CDH8: variants seen among roughly 807,000 people sequenced by gnomAD.
CDH8 encodes the protein cadherin 8, also known as cadherin-8.
CDH8 carries 17 observed loss-of-function variants against 68.1 expected under a neutral mutation model. The observed-to-expected ratio is 0.25, with a 90% confidence interval of 0.17 to 0.37. CDH8 has a LOEUF of 0.37. CDH8 is among the 10% of genes least tolerant of loss of function. CDH8 has a pLI of 1.00. For missense variants in CDH8, 763 were observed against 999.3 expected (o/e 0.76, Z 3.19); for synonymous variants, 372 against 365.1 (o/e 1.02, Z -0.21).
chr16:61,943,619 ACACAAGG>A (rs964806444), intron 2 of CDH8, among the ~76,000 whole-genome samples: 4 of 152,230 alleles, frequency 2.6e-5, no homozygotes, highest in African/African-American at 9.6e-5. Flanking sequence ...TTATTCAGAC[ACACAAGG>A]CATTTTATAT....
chr16:61,742,288 TGTGA>T (rs1008763415), intron 8 of CDH8, among the ~76,000 whole-genome samples: 10 of 152,158 alleles, frequency 6.6e-5, no homozygotes, highest in African/African-American at 2.2e-4. Flanking sequence ...TCATGTTGAT[TGTGA>T]GTAATGACAA....
intron 8 of CDH8, among the ~76,000 whole-genome samples, chr16:61,773,739 A>T (rs1960838829): frequency 1.3e-5 from 2 of 152,092 alleles, no homozygotes; most frequent in Admixed American, 1.3e-4. Flanking sequence ...TTTGAATTCC[A>T]GGGTGGATAG....
intron 2 of CDH8, among the ~76,000 whole-genome samples, chr16:61,925,946 T>C (rs943933326): frequency 2.0e-5 from 3 of 152,134 alleles, no homozygotes; most frequent in African/African-American, 7.2e-5. Flanking sequence ...GCAATAAACG[T>C]ATATTGAGAA....
At chr16:62,010,495 A>G (rs1243191541) in intron 2 of CDH8, among the ~76,000 whole-genome samples, 2 of 152,186 alleles carry the variant, frequency 1.3e-5, no homozygotes, top group Admixed American at 6.5e-5. Flanking sequence ...TATTCCCTTC[A>G]GTGACTTTCT....
At chr16:61,964,711 C>T (rs1407290226) in intron 2 of CDH8, among the ~76,000 whole-genome samples, 1 of 152,134 alleles carries the variant, frequency 6.6e-6, no homozygotes, top group Non-Finnish European at 1.5e-5. Flanking sequence ...TCATCTGGTG[C>T]TGTCCCTCTC....
chr16:61,983,647 C>A (rs1188216436), intron 2 of CDH8, among the ~76,000 whole-genome samples: 1 of 152,124 alleles, frequency 6.6e-6, no homozygotes, highest in Non-Finnish European at 1.5e-5. Flanking sequence ...GTGTAAAATG[C>A]TGCTTAACTA....
intron 2 of CDH8, among the ~76,000 whole-genome samples, chr16:62,010,595 A>G (rs1430312116): frequency 1.3e-5 from 2 of 152,202 alleles, no homozygotes; most frequent in Admixed American, 1.3e-4. Flanking sequence ...TCAGCCATAT[A>G]GTAAACACTC....
chr16:61,774,752 C>T (rs1791086069), intron 8 of CDH8, among the ~76,000 whole-genome samples: 1 of 152,046 alleles, frequency 6.6e-6, no homozygotes, highest in East Asian at 1.9e-4. Context: ...TACATGAGAA[C>T]AGGGAACTTA....
rs1385952323 is a variant in CDH8 at position 61,959,984 on chromosome 16, G to GTGTATA, written c.253-58512_253-58511insTATACA. On this transcript the variant is annotated intron_variant, in intron 2 of 11. Coordinates refer to ENST00000577390, the MANE Select transcript of CDH8 (RefSeq NM_001796.5). The stretch of plus-strand genomic sequence containing the variant: ...GTATGTGGTGTATGTGTGTGTGTGT[G>GTGTATA]TATATATATATATATATATATATAT... Among the ~76,000 whole-genome samples the GTGTATA allele has an allele frequency of 4.4e-3, 196 of 44,536 alleles. 16 individuals carry two copies. The highest frequency in any genetic ancestry group is 0.025 in the East Asian group (22 of 878). 29.2% of individuals were successfully genotyped at this position (44,536 alleles called of 152,430 possible).
chr16:61,948,701 C>T (rs796706027), intron 2 of CDH8, among the ~76,000 whole-genome samples: 1 of 152,120 alleles, frequency 6.6e-6, no homozygotes, highest in Non-Finnish European at 1.5e-5. Context: ...GCTTTAAGCC[C>T]GCTCAAGAAA....
At chr16:62,007,116 C>T (rs753301763) in intron 2 of CDH8, among the ~76,000 whole-genome samples, 2 of 152,112 alleles carry the variant, frequency 1.3e-5, no homozygotes, top group Non-Finnish European at 2.9e-5. Flanking sequence ...CCATATTGAT[C>T]AGGCTGGTCT....
At chr16:61,969,798 CATCA>C (rs1218823139) in intron 2 of CDH8, among the ~76,000 whole-genome samples, 1 of 152,100 alleles carries the variant, frequency 6.6e-6, no homozygotes, top group East Asian at 1.9e-4. Context: ...GATATGAGAG[CATCA>C]ATCAAGCATG....
chr16:61,674,508 C>A (rs1963860113), intron 10 of CDH8, among the ~76,000 whole-genome samples: 1 of 150,220 alleles, frequency 6.7e-6, no homozygotes, highest in Admixed American at 6.7e-5. Context: ...AAATTCTATT[C>A]ATTTCTACCA....
chr16:61,884,829 T>C (rs936125427), intron 3 of CDH8, among the ~76,000 whole-genome samples: 1 of 152,162 alleles, frequency 6.6e-6, no homozygotes, highest in Non-Finnish European at 1.5e-5. Context: ...GTAGTTAAGT[T>C]TTTAGGAAGT....
intron 2 of CDH8, among the ~76,000 whole-genome samples, chr16:61,930,863 T>A (rs1376720443): frequency 1.3e-5 from 2 of 152,194 alleles, no homozygotes; most frequent in Non-Finnish European, 2.9e-5. Context: ...AAGCCATAAA[T>A]GTCACCCCCA....
intron 2 of CDH8, among the ~76,000 whole-genome samples, chr16:62,007,439 TA>T (rs1965995630): frequency 6.6e-6 from 1 of 152,192 alleles, no homozygotes; most frequent in Non-Finnish European, 1.5e-5. Context: ...TGTGTAGGGT[TA>T]AAAAACAAAA....
chr16:61,706,620 CAAAAAAAAAAAA>C (rs781148249), intron 10 of CDH8, among the ~76,000 whole-genome samples: 18 of 60,384 alleles, frequency 3.0e-4, no homozygotes, highest in Admixed American at 4.3e-4. Flanking sequence ...GACTCTGTCT[CAAAAAAAAAAAA>C]AAAAAAAAAA....
chr16:61,691,698 G>A (rs1964226623), intron 10 of CDH8: 1 of 151,368 alleles, frequency 6.6e-6, no homozygotes, highest in African/African-American at 2.4e-5. Context: ...GTTCACTCTT[G>A]TTAAATGTAC....
chr16:61,874,566 C>T (rs1367904077), intron 3 of CDH8, among the ~76,000 whole-genome samples: 8 of 151,894 alleles, frequency 5.3e-5, no homozygotes, highest in Non-Finnish European at 7.4e-5. Context: ...CTCCTGACCT[C>T]GTGATCTGCC....
Sources: allele counts gnomAD v4.1 joint callset (sites outside exome capture counted in the v4.1 genomes callset), GRCh38; gene constraint gnomAD v4.1.1; transcripts MANE v1.5; gene names NCBI Gene and HGNC (gene_info 2026-07-23, HGNC 2026-07-21).